Variants in BMP7 observed in about 807,000 individuals in gnomAD.
BMP7 encodes osteogenic protein 1.
Under a neutral mutation model 41.2 loss-of-function variants are expected in BMP7, and 12 were observed. The observed-to-expected ratio is 0.29, with a 90% confidence interval of 0.19 to 0.47. The LOEUF (loss-of-function observed/expected upper bound fraction) is 0.47. Ranked by LOEUF, BMP7 falls within the 20% of genes least tolerant of loss-of-function variation. The pLI is 0.99. For missense variants in BMP7, 467 were observed against 606.0 expected, an observed-to-expected ratio of 0.77 and a Z score of 2.41; for synonymous variants, 248 against 250.0, an observed-to-expected ratio of 0.99 and a Z score of 0.07.
chr20:57,251,830 A>G (rs2066115073), intron 1 of BMP7, among the ~76,000 whole-genome samples: 1 of 152,204 alleles, frequency 6.6e-6, no homozygotes, highest in Admixed American at 6.5e-5. Flanking sequence ...GCTACTCGGG[A>G]GGCTGAGGCA....
At chr20:57,248,838 C>T (rs1484442155) in intron 1 of BMP7, among the ~76,000 whole-genome samples, 2 of 151,702 alleles carry the variant, frequency 1.3e-5, no homozygotes, top group Non-Finnish European at 1.5e-5. Context: ...TCACTCTGTC[C>T]CCCAGGCTGG....
At position 57,224,870 on chromosome 20, in the gene BMP7, C is replaced by T. The variant is rs895695470; in HGVS notation, c.611+3359G>A. 4 of 152,308 alleles carry T rather than the reference C, an allele frequency of 2.6e-5. No individual in the cohort carries two copies. The highest frequency in any genetic ancestry group is 9.6e-5 in the African/African-American group (4 of 41,470). 9.4% of individuals were successfully genotyped at this position (152,308 alleles called of 1,614,324 possible). A position where few individuals can be genotyped will look rare whatever the true frequency, so the allele number is the denominator to read the frequency against. On this transcript the variant is annotated intron_variant, in intron 2 of 6. Coordinates refer to ENST00000395863, the MANE Select transcript of BMP7 (RefSeq NM_001719.3). This position sits in a 1 kb window ranked among gnomAD's most constrained non-coding sequence, Gnocchi z 4.8. ...CCGCAGGGCTATGGAAGGCCTCCAG[C>T]TCGGCTCATTATCGGAATTTAATCT...
At chr20:57,199,909 A>G (rs1357782640) in intron 3 of BMP7, among the ~76,000 whole-genome samples, 1 of 152,214 alleles carries the variant, frequency 6.6e-6, no homozygotes, top group Admixed American at 6.5e-5. Flanking sequence ...CAGGAGGAGC[A>G]AAGATGGTGT....
rs543829893 is a variant in BMP7 at position 57,257,406 on chromosome 20, ATTG to A, written c.418+8296_418+8298del. Among the ~76,000 whole-genome samples, 661 of 152,310 alleles carry A rather than the reference ATTG, an allele frequency of 4.3e-3. 3 individuals are homozygous for A. Among genetic ancestry groups the A allele is most frequent in the African/African-American group, 0.015 (629 of 41,582 alleles). ...AAAATTTAATTTTAATTAAATGTAT[ATTG>A]TTAATTAAAATTGTGTTAACAATTA... On this transcript the variant is annotated intron_variant, in intron 1 of 6. Transcript: ENST00000395863.
intron 3 of BMP7, among the ~76,000 whole-genome samples, chr20:57,189,354 C>G (rs1421271324): frequency 3.3e-5 from 5 of 152,224 alleles, no homozygotes; most frequent in Non-Finnish European, 7.3e-5. Flanking sequence ...GGCGCCAGCA[C>G]CGGCTATACA....
rs1033826738 is a variant in BMP7, at chr20:57,171,198, G to A, written c.1147-90C>T. The stretch of plus-strand genomic sequence containing the variant: ...GTTTCTATAAAGAAACATCCTGTCT[G>A]GGCATAATGAATGACTGCAGGTGAC... On this transcript the variant is annotated intron_variant, in intron 6 of 6. Transcript: ENST00000395863. The surrounding 1 kb of genome is among the most constrained non-coding windows in gnomAD (Gnocchi z 4.5). 4.5e-6 allele frequency: 7 copies of A among 1,569,818 alleles called. No individual in the cohort carries two copies. The Admixed American group carries it at 1.2e-4, about 27-fold the overall frequency.
At chr20:57,175,291 T>C (rs1330616213) in intron 4 of BMP7, among the ~76,000 whole-genome samples, 1 of 152,224 alleles carries the variant, frequency 6.6e-6, no homozygotes, top group East Asian at 1.9e-4. Flanking sequence ...ACTGGTTTCT[T>C]TTATACACGT....
chr20:57,182,399 G>A (rs1318023630), intron 4 of BMP7, among the ~76,000 whole-genome samples: 3 of 152,252 alleles, frequency 2.0e-5, no homozygotes, highest in African/African-American at 4.8e-5. Flanking sequence ...CAGCCTATGG[G>A]GAAAGGGATT....
At chr20:57,203,788 G>A (rs552891529) in intron 2 of BMP7, among the ~76,000 whole-genome samples, 1 of 152,282 alleles carries the variant, frequency 6.6e-6, no homozygotes, top group African/African-American at 2.4e-5. Flanking sequence ...ACTGGTCCCT[G>A]CCCCAGGGCA....
Position 57,183,769 on chromosome 20 carries a change from G to T in BMP7, c.911C>A (p.Ser304Tyr), listed in dbSNP as rs756092588. 1 of 1,614,198 alleles carries T rather than the reference G, an allele frequency of 6.2e-7. No homozygotes were observed. Among genetic ancestry groups the T allele is most frequent in the South Asian group, 1.1e-5 (1 of 91,084 alleles). ...GGCTTCCTGGTTCTTGGGCGTCTTG[G>T]AGCGGTTCTGGCTGCGCTGTTTGCT... ...TGSKQRSQNRSKTPKNQEALR... is the reference protein window; with the variant it reads ...TGSKQRSQNRYKTPKNQEALR... Residue 304 changes from serine to tyrosine, a missense_variant, in exon 4 of 7, where the codon TCC becomes TAC. Physicochemically the swap from Ser to Tyr is moderately radical, Grantham distance 144. Coordinates refer to ENST00000395863, the MANE Select transcript of BMP7 (RefSeq NM_001719.3).
intron 2 of BMP7, among the ~76,000 whole-genome samples, chr20:57,227,584 G>A (rs1224365599): frequency 2.0e-5 from 3 of 152,090 alleles, no homozygotes; most frequent in Admixed American, 6.6e-5. Context: ...CAGCCTGCGG[G>A]GTCCAGCAAC....
At chr20:57,248,966 T>A (rs562335607) in intron 1 of BMP7, among the ~76,000 whole-genome samples, 4 of 151,208 alleles carry the variant, frequency 2.6e-5, no homozygotes, top group Admixed American at 2.0e-4. Flanking sequence ...GCCCAGCTAA[T>A]TTTTTTTTGT....
intron 2 of BMP7, among the ~76,000 whole-genome samples, chr20:57,211,513 G>A (rs1266618964): frequency 6.6e-6 from 1 of 152,216 alleles, no homozygotes; most frequent in Non-Finnish European, 1.5e-5. Flanking sequence ...GAAGCTGTGG[G>A]TATGCCACCT....
rs374088437 is a variant in BMP7 at position 57,223,495 on chromosome 20, A to T, written c.611+4734T>A. On this transcript the variant is annotated intron_variant, in intron 2 of 6. Transcript: ENST00000395863. The stretch of plus-strand genomic sequence containing the variant: ...CTGAGCCCCAGGTGAGGGAATCAGC[A>T]CTATGGGAATCACTGAGGCACGGCC... 3.3e-5 allele frequency among the ~76,000 whole-genome samples: 5 copies of T among 152,292 alleles called. No homozygotes were observed. In the East Asian group the frequency reaches 7.7e-4, roughly 24 times the overall value.
intron 4 of BMP7, among the ~76,000 whole-genome samples, chr20:57,175,763 G>A (rs1267557048): frequency 6.6e-6 from 1 of 152,176 alleles, no homozygotes; most frequent in African/African-American, 2.4e-5. Flanking sequence ...GTCATGACCT[G>A]TCTTTCCTCC....
At chr20:57,190,690 T>A (rs1393182295) in intron 3 of BMP7, among the ~76,000 whole-genome samples, 1 of 152,094 alleles carries the variant, frequency 6.6e-6, no homozygotes, top group East Asian at 1.9e-4. Flanking sequence ...TGCCCGCCCC[T>A]CCTCCAGGCC....
intron 1 of BMP7, among the ~76,000 whole-genome samples, chr20:57,239,177 T>C (rs1037379229): frequency 2.6e-5 from 4 of 152,150 alleles, no homozygotes; most frequent in African/African-American, 7.2e-5. Context: ...AAAAGCAAGC[T>C]AGTTACTTCC....
intron 2 of BMP7, among the ~76,000 whole-genome samples, chr20:57,218,391 C>CAGCTGGTGTTTGGTGGT (rs1266961266): frequency 5.0e-5 from 3 of 59,406 alleles, no homozygotes; most frequent in African/African-American, 3.2e-4. Context: ...AGGAGCTGCA[C>CAGCTGGTGTTTGGTGGT]AGCTGGTGTT....
At chr20:57,247,591 G>A (rs2066095264) in intron 1 of BMP7, among the ~76,000 whole-genome samples, 1 of 152,164 alleles carries the variant, frequency 6.6e-6, no homozygotes, top group Admixed American at 6.5e-5. Flanking sequence ...ATAAGCAGAA[G>A]GCATATAGGT....
Sources: allele counts gnomAD v4.1 joint callset (sites outside exome capture counted in the v4.1 genomes callset), GRCh38; gene constraint gnomAD v4.1.1; non-coding constraint Gnocchi (gnomAD v3.1); transcripts MANE v1.5; gene names NCBI Gene and HGNC (gene_info 2026-07-23, HGNC 2026-07-21).